Variants in ARL3 observed in about 807,000 individuals in gnomAD.
The protein encoded by ARL3 is ARF like GTPase 3.
In ARL3, 9 loss-of-function variants were observed where a neutral mutation model predicts 26.0. The ratio of observed to expected loss-of-function variants is 0.35; its 90% CI spans 0.21 to 0.60. The LOEUF (loss-of-function observed/expected upper bound fraction) is 0.60. Ranked by LOEUF, ARL3 falls within the 20% of genes least tolerant of loss-of-function variation. ARL3 has a pLI of 0.78. For synonymous variants in ARL3, 71 were observed against 78.4 expected (o/e 0.91, Z 0.50); for missense variants, 158 against 215.7 (o/e 0.73, Z 1.67).
At chr10:102,711,330 GTGTGTGTA>G (rs1271951752) in intron 1 of ARL3, among the ~76,000 whole-genome samples, 1,044 of 38,740 alleles carry the variant, frequency 0.027, 13 homozygotes, top group African/African-American at 0.11. Flanking sequence ...GTGTGTGTGT[GTGTGTGTA>G]TATATATATA....
intron 1 of ARL3, among the ~76,000 whole-genome samples, chr10:102,711,643 T>A (rs2801049): frequency 0.99 from 150,291 of 152,160 alleles, 74,224 homozygotes; most frequent in East Asian, 1. Context: ...CATAGTCCCA[T>A]CTGCTGCGGA....
At chr10:102,686,140 C>T (rs940964789) in intron 4 of ARL3, 139 bp from the exon 5 acceptor site, 8 of 674,346 alleles carry the variant, frequency 1.2e-5, no homozygotes, top group African/African-American at 5.6e-5. Flanking sequence ...GGCGTGATCT[C>T]GGCTCACTGC....
intron 4 of ARL3, among the ~76,000 whole-genome samples, chr10:102,687,109 C>T (rs969132632): frequency 4.0e-5 from 6 of 151,372 alleles, no homozygotes; most frequent in African/African-American, 1.2e-4. Context: ...AACTCCTGAC[C>T]TTGTGATCCA....
chr10:102,696,739 TGG>T (rs775384903), intron 3 of ARL3, among the ~76,000 whole-genome samples: 4 of 152,168 alleles, frequency 2.6e-5, no homozygotes, highest in Non-Finnish European at 5.9e-5. Flanking sequence ...TCCGGAGGAA[TGG>T]GACTCCCATT....
At chr10:102,701,902 G>A (rs776043734) in intron 2 of ARL3, among the ~76,000 whole-genome samples, 2 of 151,830 alleles carry the variant, frequency 1.3e-5, no homozygotes, top group Non-Finnish European at 2.9e-5. Flanking sequence ...TGAACAAGAG[G>A]AGACAGGTTC....
At chr10:102,697,046 A>C (rs575829072) in intron 3 of ARL3, among the ~76,000 whole-genome samples, 1 of 152,322 alleles carries the variant, frequency 6.6e-6, no homozygotes, top group South Asian at 2.1e-4. Context: ...ACAAACCTGT[A>C]CACGAAGTTA....
At chr10:102,694,688 T>C (rs2064238003) in intron 3 of ARL3, among the ~76,000 whole-genome samples, 1 of 152,114 alleles carries the variant, frequency 6.6e-6, no homozygotes, top group Non-Finnish European at 1.5e-5. Flanking sequence ...GTTCTGTTGA[T>C]CAATTTGTCT....
intron 3 of ARL3, 33 bp from the exon 4 acceptor site, chr10:102,689,976 A>G (rs111317888): frequency 1.4e-6 from 2 of 1,472,712 alleles, no homozygotes; most frequent in Non-Finnish European, 1.9e-6. Flanking sequence ...TATTTCAGTG[A>G]GCAGAGATGG....
chr10:102,676,696 G>GAAA lies in ARL3; in HGVS notation c.*195_*197dup, dbSNP rs1022899074. The GAAA allele has an allele frequency of 1.4e-5, 8 of 559,794 alleles. No homozygotes were observed. Among genetic ancestry groups the GAAA allele is most frequent in the Non-Finnish European group, 2.5e-5 (8 of 314,028 alleles). 34.7% of individuals were successfully genotyped at this position (559,794 alleles called of 1,614,324 possible). On this transcript the variant is annotated 3_prime_UTR_variant, in exon 6 of 6. Coordinates refer to ENST00000260746, the MANE Select transcript of ARL3 (RefSeq NM_004311.4). ...AGGAAATAATATAATTCCTTTATTT[G>GAAA]AAAAATGATACTGAACCTCAGAGAT...
intron 2 of ARL3, among the ~76,000 whole-genome samples, chr10:102,703,004 A>G (rs1183262080): frequency 6.6e-6 from 1 of 152,154 alleles, no homozygotes; most frequent in Admixed American, 6.5e-5. Flanking sequence ...CTTTAAAGTG[A>G]CTAAGACCAA....
chr10:102,705,932 T>C (rs1385681253), intron 1 of ARL3, among the ~76,000 whole-genome samples: 1 of 152,188 alleles, frequency 6.6e-6, no homozygotes, highest in African/African-American at 2.4e-5. Flanking sequence ...AGACACTAGA[T>C]AACACTTGTG....
intron 2 of ARL3, among the ~76,000 whole-genome samples, chr10:102,702,912 C>T (rs1394517440): frequency 6.6e-6 from 1 of 152,138 alleles, no homozygotes; most frequent in Non-Finnish European, 1.5e-5. Context: ...CCATTCAAAC[C>T]TGACACCAGG....
intron 3 of ARL3, among the ~76,000 whole-genome samples, chr10:102,693,097 A>T (rs986880945): frequency 2.0e-5 from 3 of 152,226 alleles, no homozygotes; most frequent in African/African-American, 7.2e-5. Context: ...TAACCTATTG[A>T]AGGACATCTT....
intron 3 of ARL3, among the ~76,000 whole-genome samples, chr10:102,698,902 TTAAGA>T (rs2064264042): frequency 6.6e-6 from 1 of 152,202 alleles, no homozygotes; most frequent in African/African-American, 2.4e-5. Flanking sequence ...TCCCTCTGAC[TTAAGA>T]TAATTCTTGA....
chr10:102,698,390 G>A (rs1300458512), intron 3 of ARL3, among the ~76,000 whole-genome samples: 2 of 152,064 alleles, frequency 1.3e-5, no homozygotes, highest in African/African-American at 4.8e-5. Context: ...ATTTCTATTC[G>A]TAATAAAGAC....
chr10:102,679,644 CCTT>C lies in ARL3; in HGVS notation c.502-2706_502-2704del, dbSNP rs899375908. On this transcript the variant is annotated intron_variant, in intron 5 of 5. Coordinates refer to ENST00000260746, the MANE Select transcript of ARL3 (RefSeq NM_004311.4). ...AAAGGAGGAATTCTGGTTTTATCCT[CCTT>C]GTGACTTCCGCTAAAAACAGGGGCC... 9.8e-5 allele frequency among the ~76,000 whole-genome samples: 15 copies of C among 152,292 alleles called. No homozygotes were observed. The East Asian group carries it at 2.9e-3, about 29-fold the overall frequency.
chr10:102,676,814 T>C lies in ARL3; in HGVS notation c.*80A>G, dbSNP rs530144293. ...GAGCTGTACACAGATGGAAAAACAT[T>C]TGGTCAGAAAGCAGCAAATTAGTGT... On this transcript the variant is annotated 3_prime_UTR_variant, in exon 6 of 6. Coordinates refer to ENST00000260746, the MANE Select transcript of ARL3 (RefSeq NM_004311.4). 16 of 1,451,518 alleles carry C rather than the reference T, an allele frequency of 1.1e-5. No homozygotes were observed. The East Asian group carries it at 3.6e-4, about 33-fold the overall frequency. The allele number at this position is 1,451,518 out of a possible 1,614,324, so 89.9% of individuals were successfully genotyped here.
intron 3 of ARL3, among the ~76,000 whole-genome samples, chr10:102,694,989 G>A (rs1354574173): frequency 2.0e-5 from 3 of 152,232 alleles, no homozygotes; most frequent in African/African-American, 7.2e-5. Context: ...AAAGTGTTGG[G>A]AGTGCGGGCG....
In ARL3 at chr10:102,676,093, T is replaced by C. The variant is rs1426934689; in HGVS notation, c.*801A>G. 6.6e-6 allele frequency: 1 copy of C among 152,354 alleles called. No homozygotes were observed. Among genetic ancestry groups the C allele is most frequent in the Non-Finnish European group, 1.5e-5 (1 of 68,024 alleles). The allele number at this position is 152,354 out of a possible 1,614,324, so 9.4% of individuals were successfully genotyped here. A position where few individuals can be genotyped will look rare whatever the true frequency, so the allele number is the denominator to read the frequency against. ...CTGAGCCCTCGATGTGAGAGCTTTT[T>C]AAGGACCTTGTAATTTTTCTGGAAT... On this transcript the variant is annotated 3_prime_UTR_variant, in exon 6 of 6. Coordinates refer to ENST00000260746, the MANE Select transcript of ARL3 (RefSeq NM_004311.4).
Sources: gnomAD v4.1 joint callset for allele counts (sites outside exome capture counted in the v4.1 genomes callset) on GRCh38, gnomAD v4.1.1 for gene constraint, MANE v1.5 for transcripts, NCBI Gene and HGNC (gene_info 2026-07-23, HGNC 2026-07-21) for gene names.